PAK5: variants seen among roughly 807,000 people sequenced by gnomAD.
The protein encoded by PAK5 is serine/threonine-protein kinase PAK 5.
PAK5 carries 16 observed loss-of-function variants against 65.9 expected under a neutral mutation model. The observed-to-expected ratio is 0.24, with a 90% CI of 0.16 to 0.37. The LOEUF is 0.37. PAK5 is among the 10% of genes least tolerant of loss of function. The pLI, the probability that PAK5 is intolerant of heterozygous loss-of-function variation, is 1.00. For synonymous variants in PAK5, 371 were observed against 354.9 expected, an observed-to-expected ratio of 1.05 and a Z score of -0.51; for missense variants, 785 against 903.9, an observed-to-expected ratio of 0.87 and a Z score of 1.69.
At chr20:9,550,964 C>T (rs1409807095) in intron 7 of PAK5, among the ~76,000 whole-genome samples, 1 of 151,756 alleles carries the variant, frequency 6.6e-6, no homozygotes, top group African/African-American at 2.4e-5. Context: ...GGAAAAATGC[C>T]CAAACCCCTC....
At chr20:9,809,243 A>T (rs1341778256) in intron 1 of PAK5, among the ~76,000 whole-genome samples, 5 of 152,080 alleles carry the variant, frequency 3.3e-5, no homozygotes, top group Non-Finnish European at 7.4e-5. Context: ...AGATCTCTCA[A>T]ATCAGACTGT....
intron 1 of PAK5, among the ~76,000 whole-genome samples, chr20:9,755,924 A>G (rs2048628374): frequency 6.6e-6 from 1 of 152,188 alleles, no homozygotes; most frequent in Non-Finnish European, 1.5e-5. Flanking sequence ...CCTGTTCTTC[A>G]TGGCTCTTAT....
At chr20:9,665,085 G>GTTTTTTTTTTTTTTTTTTTTTTTTTTT (rs754435525) in intron 2 of PAK5, among the ~76,000 whole-genome samples, 1 of 98,888 alleles carries the variant, frequency 1.0e-5, no homozygotes. Flanking sequence ...AAATTTTTCT[G>GTTTTTTTTTTTTTTTTTTTTTTTTTTT]TTTTTTTTTT....
At chr20:9,698,657 AACAG>A (rs1432130211) in intron 2 of PAK5, among the ~76,000 whole-genome samples, 2 of 152,166 alleles carry the variant, frequency 1.3e-5, no homozygotes, top group African/African-American at 2.4e-5. Flanking sequence ...AAACTTAAGG[AACAG>A]ACAAAGCATG....
At chr20:9,592,405 T>C (rs1188232487) in intron 3 of PAK5, among the ~76,000 whole-genome samples, 1 of 152,216 alleles carries the variant, frequency 6.6e-6, no homozygotes, top group Non-Finnish European at 1.5e-5. Flanking sequence ...AGAGTACTAG[T>C]TACCCCTAGG....
intron 2 of PAK5, among the ~76,000 whole-genome samples, chr20:9,684,006 G>T (rs1252251658): frequency 6.6e-6 from 1 of 152,140 alleles, no homozygotes; most frequent in South Asian, 2.1e-4. Flanking sequence ...GCGGACAGAG[G>T]AGAGTGGAAC....
At chr20:9,567,716 A>G (rs1967304387) in intron 4 of PAK5, among the ~76,000 whole-genome samples, 1 of 152,242 alleles carries the variant, frequency 6.6e-6, no homozygotes, top group African/African-American at 2.4e-5. Flanking sequence ...AATGAATGAT[A>G]TCTCTGCCCT....
intron 4 of PAK5, among the ~76,000 whole-genome samples, chr20:9,572,030 A>G (rs1339711915): frequency 4.0e-5 from 6 of 148,968 alleles, no homozygotes; most frequent in Non-Finnish European, 5.9e-5. Flanking sequence ...ATGGATGATA[A>G]TGTCTAGGAG....
At chr20:9,716,517 C>A (rs2048148824) in intron 1 of PAK5, among the ~76,000 whole-genome samples, 1 of 152,016 alleles carries the variant, frequency 6.6e-6, no homozygotes, top group Non-Finnish European at 1.5e-5. Flanking sequence ...TTGTAAATTT[C>A]TGTATTTTGT....
intron 4 of PAK5, among the ~76,000 whole-genome samples, 187 bp from the exon 5 acceptor site, chr20:9,566,571 A>G (rs2045686060): frequency 6.6e-6 from 1 of 151,988 alleles, no homozygotes; most frequent in Non-Finnish European, 1.5e-5. Context: ...CGTGCACCAC[A>G]GCAGGAGGTT....
chr20:9,688,238 G>T (rs1277809637), intron 2 of PAK5, among the ~76,000 whole-genome samples: 2 of 152,032 alleles, frequency 1.3e-5, no homozygotes, highest in African/African-American at 2.4e-5. Context: ...CTTCTTCTGA[G>T]AGTCCCATGA....
In PAK5 at chr20:9,642,032, C is replaced by T. The variant is rs1300461909; in HGVS notation, c.204+2093G>A. Among the ~76,000 whole-genome samples the T allele has an allele frequency of 2.6e-5, 4 of 152,210 alleles. No homozygotes were observed. The East Asian group carries it at 5.8e-4, about 22-fold the overall frequency. The stretch of plus-strand genomic sequence containing the variant: ...CAGCCTTGGCCAGCCCAGAAAGGGG[C>T]TCCCACAGTGCAGCGGGGGGGCTGA... On this transcript the variant is annotated intron_variant, in intron 3 of 9. Transcript: ENST00000353224.
rs561889970 is a variant in PAK5, at chr20:9,668,628, T to C, written c.-11-24289A>G. ...TGTGAATTTTACGAGAGCATAACAC[T>C]GAGAACGAGAACGACACTTTTGCAT... On this transcript the variant is annotated intron_variant, in intron 2 of 9. Transcript: ENST00000353224. 6.6e-5 allele frequency among the ~76,000 whole-genome samples: 10 copies of C among 152,260 alleles called. 1 individual carries two copies. Among genetic ancestry groups the C allele is most frequent in the South Asian group, 4.1e-4 (2 of 4,826 alleles).
At chr20:9,774,787 TA>T (rs767091676) in intron 1 of PAK5, among the ~76,000 whole-genome samples, 13 of 146,138 alleles carry the variant, frequency 8.9e-5, no homozygotes, top group African/African-American at 7.5e-5. Context: ...ACTAACAAAT[TA>T]AAAAAAAAAG....
At chr20:9,708,999 A>T (rs1335009569) in intron 2 of PAK5, among the ~76,000 whole-genome samples, 8 of 151,486 alleles carry the variant, frequency 5.3e-5, no homozygotes, top group African/African-American at 1.9e-4. Context: ...ACACCACTCC[A>T]TTTTTTTTGT....
At chr20:9,821,239 G>A (rs138678021) in intron 1 of PAK5, among the ~76,000 whole-genome samples, 2,727 of 152,154 alleles carry the variant, frequency 0.018, 57 homozygotes, top group East Asian at 0.092. Context: ...AATTTAGCTG[G>A]GCATGGTGGT....
intron 1 of PAK5, among the ~76,000 whole-genome samples, chr20:9,770,637 T>C (rs1423050432): frequency 6.6e-6 from 1 of 152,108 alleles, no homozygotes; most frequent in Admixed American, 6.5e-5. Context: ...AAAGGAGCAA[T>C]GTGTGCCTAG....
intron 1 of PAK5, among the ~76,000 whole-genome samples, chr20:9,766,475 G>GAA (rs2048767797): frequency 2.8e-5 from 1 of 35,330 alleles, no homozygotes; most frequent in African/African-American, 2.1e-4. Context: ...GAATATATAT[G>GAA]TATATATATA....
At chr20:9,637,823 A>G (rs1337468663) in intron 3 of PAK5, among the ~76,000 whole-genome samples, 1 of 152,250 alleles carries the variant, frequency 6.6e-6, no homozygotes, top group East Asian at 1.9e-4. Flanking sequence ...TGAAGCAAAT[A>G]TTAAGATATG....
Sources: gnomAD v4.1 joint callset for allele counts (sites outside exome capture counted in the v4.1 genomes callset) on GRCh38, gnomAD v4.1.1 for gene constraint, MANE v1.5 for transcripts, NCBI Gene and HGNC (gene_info 2026-07-23, HGNC 2026-07-21) for gene names.